RSPH14: variants seen among roughly 807,000 people sequenced by gnomAD.
The protein encoded by RSPH14 is radial spoke head 14 homolog, also known as rhabdoid tumor deletion region gene 1.
Under a neutral mutation model 26.7 loss-of-function variants are expected in RSPH14, and 20 were observed. The ratio of observed to expected loss-of-function variants is 0.75; its 90% CI spans 0.53 to 1.09. The LOEUF (loss-of-function observed/expected upper bound fraction) is 1.09. Among genes scored for constraint, RSPH14 ranks in the 50% least tolerant of loss-of-function variants. The probability of loss-of-function intolerance (pLI) is 0.00; values close to 1 mark genes in which losing one functional copy is unlikely to be tolerated. For synonymous variants in RSPH14, 177 were observed against 189.3 expected, an observed-to-expected ratio of 0.93 and a Z score of 0.53; for missense variants, 449 against 457.2, an observed-to-expected ratio of 0.98 and a Z score of 0.16.
intron 4 of RSPH14, among the ~76,000 whole-genome samples, chr22:23,105,166 C>T (rs1272439025): frequency 6.6e-6 from 1 of 152,222 alleles, no homozygotes; most frequent in Non-Finnish European, 1.5e-5. Flanking sequence ...GCCACGGCCA[C>T]AGCCCCACAC....
upstream of RSPH14, among the ~76,000 whole-genome samples, chr22:23,149,100 G>A (rs1478096089): frequency 1.3e-5 from 2 of 151,836 alleles, no homozygotes; most frequent in African/African-American, 4.8e-5. Flanking sequence ...GCCAGGCAGA[G>A]CCCGAATCCA....
intron 4 of RSPH14, among the ~76,000 whole-genome samples, chr22:23,078,747 G>C (rs932649852): frequency 6.6e-6 from 1 of 152,232 alleles, no homozygotes. Flanking sequence ...GGCTTCTAAG[G>C]GGGCTGAGGG....
At chr22:23,102,715 ACCT>A (rs2069341428) in intron 4 of RSPH14, among the ~76,000 whole-genome samples, 1 of 152,050 alleles carries the variant, frequency 6.6e-6, no homozygotes, top group Non-Finnish European at 1.5e-5. Flanking sequence ...CATGATGGTC[ACCT>A]CCTGCTGTGT....
At chr22:23,117,676 G>A (rs2267004) in intron 4 of RSPH14, among the ~76,000 whole-genome samples, 86,752 of 152,200 alleles carry the variant, frequency 0.57, 25,091 homozygotes, top group African/African-American at 0.64. Context: ...GGTTCTTCCC[G>A]TGTCAGCACC....
upstream of RSPH14, among the ~76,000 whole-genome samples, chr22:23,144,714 A>G (rs951757724): frequency 6.6e-6 from 1 of 152,034 alleles, no homozygotes; most frequent in Non-Finnish European, 1.5e-5. Flanking sequence ...AAGACATCAA[A>G]CACCAGCCTC....
chr22:23,093,967 A>C (rs1054096123), intron 4 of RSPH14, among the ~76,000 whole-genome samples: 20 of 152,160 alleles, frequency 1.3e-4, no homozygotes, highest in Admixed American at 2.0e-4. Flanking sequence ...GGGGCAAGGG[A>C]CAGTGAGGGG....
the RSPH14 span, among the ~76,000 whole-genome samples, chr22:23,158,510 C>G: frequency 6.6e-6 from 1 of 152,232 alleles, no homozygotes; most frequent in East Asian, 1.9e-4. Flanking sequence ...AATCGGCCAG[C>G]TACTAGAGCA....
chr22:23,145,213 G>C (rs977489019), upstream of RSPH14: 3 of 730,802 alleles, frequency 4.1e-6, no homozygotes, highest in Non-Finnish European at 6.7e-6. Context: ...CCCCACCCAG[G>C]GCTCAGGCTC....
intron 4 of RSPH14, among the ~76,000 whole-genome samples, chr22:23,077,960 C>T (rs547432592): frequency 4.4e-4 from 67 of 152,332 alleles, no homozygotes; most frequent in African/African-American, 1.4e-3. Flanking sequence ...GGGCTTGGCC[C>T]TCATGCCTCC....
intron 4 of RSPH14, among the ~76,000 whole-genome samples, chr22:23,066,642 A>T (rs1213501064): frequency 6.6e-6 from 1 of 152,184 alleles, no homozygotes; most frequent in Non-Finnish European, 1.5e-5. Flanking sequence ...CTGGCTATTT[A>T]TAACTAACCC....
chr22:23,119,189 G>A (rs2069937048), intron 4 of RSPH14, among the ~76,000 whole-genome samples: 1 of 152,258 alleles, frequency 6.6e-6, no homozygotes. Context: ...GGCTGCAAGA[G>A]TGCAGGCACC....
chr22:23,066,660 C>T (rs573668570), intron 4 of RSPH14, among the ~76,000 whole-genome samples: 4 of 152,266 alleles, frequency 2.6e-5, no homozygotes, highest in African/African-American at 9.6e-5. Flanking sequence ...CCCAGATCTG[C>T]GATGGCTTGC....
chr22:23,099,066 C>T (rs1256035271), intron 4 of RSPH14, among the ~76,000 whole-genome samples: 1 of 152,246 alleles, frequency 6.6e-6, no homozygotes, highest in Admixed American at 6.5e-5. Flanking sequence ...AGCCCTCCTT[C>T]CGTGCTCAGC....
At chr22:23,161,990 C>T in the RSPH14 span, 73 of 175,686 alleles carry the variant, frequency 4.2e-4, no homozygotes, top group African/African-American at 1.4e-3. Flanking sequence ...CCCCAGGATC[C>T]GTCACAGTGT....
chr22:23,130,496 A>AAAAGAAAGAAAGAAAGAAAGAAAGAAAG (rs1555939817), intron 4 of RSPH14, among the ~76,000 whole-genome samples: 2 of 110,680 alleles, frequency 1.8e-5, no homozygotes, highest in African/African-American at 3.6e-5. Context: ...GAAGGAAAGA[A>AAAAGAAAGAAAGAAAGAAAGAAAGAAAG]AAAGAAAGAA....
chr22:23,174,220 G>A, the RSPH14 span, among the ~76,000 whole-genome samples: 4 of 151,742 alleles, frequency 2.6e-5, no homozygotes, highest in East Asian at 3.9e-4. Flanking sequence ...GGTGTGTGAC[G>A]GTGTGTGTGT....
the RSPH14 span, among the ~76,000 whole-genome samples, chr22:23,177,766 C>T: frequency 6.6e-6 from 1 of 152,116 alleles, no homozygotes. Flanking sequence ...TTTGCTATGC[C>T]AAGAGAACAG....
At chr22:23,072,510 CCCT>C (rs1280071025) in intron 4 of RSPH14, among the ~76,000 whole-genome samples, 1 of 152,190 alleles carries the variant, frequency 6.6e-6, no homozygotes, top group Non-Finnish European at 1.5e-5. Context: ...TAAGTCAGCT[CCCT>C]CATTTCTGGG....
In RSPH14 at chr22:23,065,063, C is replaced by T. The variant is rs116582803; in HGVS notation, c.422-930G>A. On this transcript the variant is annotated intron_variant, in intron 4 of 6. Transcript: ENST00000216036. ...GCCTACTGCAAAGCCATCTACAGCC[C>T]CCAGGGAGGTGGCCACCAGAAGACA... Among the ~76,000 whole-genome samples, 1,482 of 152,296 alleles carry T rather than the reference C, an allele frequency of 9.7e-3. 30 individuals carry two copies. Among genetic ancestry groups the T allele is most frequent in the African/African-American group, 0.034 (1,419 of 41,546 alleles).
Sources: allele counts gnomAD v4.1 joint callset (sites outside exome capture counted in the v4.1 genomes callset), GRCh38; gene constraint gnomAD v4.1.1; transcripts MANE v1.5; gene names NCBI Gene and HGNC (gene_info 2026-07-23, HGNC 2026-07-21).